DCC: variants seen among roughly 807,000 people sequenced by gnomAD.
DCC encodes the protein DCC netrin 1 receptor, also known as netrin receptor DCC.
A neutral mutation model predicts 172.5 loss-of-function variants in DCC; 58 were observed. That is an observed-to-expected ratio of 0.34 (90% CI 0.27 to 0.42). DCC has a LOEUF of 0.42. Ranked by LOEUF, DCC falls within the 10% of genes least tolerant of loss-of-function variation. The pLI is 1.00. For synonymous variants in DCC, 709 were observed against 644.5 expected (o/e 1.10, Z -1.52); for missense variants, 1,740 against 1,791.0 (o/e 0.97, Z 0.51).
intron 5 of DCC, among the ~76,000 whole-genome samples, chr18:52,976,342 T>G (rs1348223233): frequency 6.6e-6 from 1 of 152,146 alleles, no homozygotes; most frequent in Non-Finnish European, 1.5e-5. Context: ...GTAGAACTTC[T>G]TTGGTTTAAT....
At chr18:53,056,868 T>C (rs1413137061) in intron 5 of DCC, among the ~76,000 whole-genome samples, 2 of 152,068 alleles carry the variant, frequency 1.3e-5, no homozygotes, top group Non-Finnish European at 2.9e-5. Context: ...GTGCTGCCTA[T>C]TGTTAATTTA....
chr18:52,938,815 A>G (rs970911312), intron 5 of DCC, among the ~76,000 whole-genome samples: 1 of 152,062 alleles, frequency 6.6e-6, no homozygotes, highest in Non-Finnish European at 1.5e-5. Context: ...AATCTCCAAA[A>G]TATATTTCAA....
rs56285631 is a variant in DCC, at chr18:53,483,958, CATAGATAGATAGATAGATAG to C, written c.3737-2803_3737-2784del. Among the ~76,000 whole-genome samples, 488 of 144,668 alleles carry C rather than the reference CATAGATAGATAGATAGATAG, an allele frequency of 3.4e-3. 3 individuals carry two copies. The highest frequency in any genetic ancestry group is 0.011 in the African/African-American group (444 of 39,114). The allele number at this position is 144,668 out of a possible 152,430, so 94.9% of individuals were successfully genotyped here. On this transcript the variant is annotated intron_variant, in intron 25 of 28. Transcript: ENST00000442544. ...ACTGTGAAACCTTTGCCTATGTTTG[CATAGATAGATAGATAGATAG>C]ATAGATAGATAGATAGATAGATAGA...
At chr18:53,414,525 T>C (rs1039340116) in intron 20 of DCC, among the ~76,000 whole-genome samples, 3 of 152,106 alleles carry the variant, frequency 2.0e-5, no homozygotes, top group Non-Finnish European at 2.9e-5. Flanking sequence ...TCTCAATAAC[T>C]TTTTAAAATA....
chr18:53,453,823 C>CT (rs2045448274), intron 23 of DCC, among the ~76,000 whole-genome samples: 1 of 152,068 alleles, frequency 6.6e-6, no homozygotes, highest in African/African-American at 2.4e-5. Context: ...TTCTCTTTAG[C>CT]TTTTTTTGTT....
intron 1 of DCC, among the ~76,000 whole-genome samples, chr18:52,529,073 A>T (rs1237576974): frequency 6.6e-6 from 1 of 152,174 alleles, no homozygotes; most frequent in Non-Finnish European, 1.5e-5. Context: ...TGTGACAATT[A>T]GACGTAGGCC....
Position 52,715,601 on chromosome 18 carries a change from G to A in DCC, c.92-36453G>A, listed in dbSNP as rs76478816. The stretch of plus-strand genomic sequence containing the variant: ...ATTACAGGAATGTGCCACCACGCCC[G>A]GCCAGCACTACATTTTTTCTGAGGC... On this transcript the variant is annotated intron_variant, in intron 1 of 28. Transcript: ENST00000442544. Among the ~76,000 whole-genome samples, 1,441 of 152,142 alleles carry A rather than the reference G, an allele frequency of 9.5e-3. 15 individuals carry two copies. Among genetic ancestry groups the A allele is most frequent in the Middle Eastern group, 0.024 (7 of 292 alleles).
intron 12 of DCC, among the ~76,000 whole-genome samples, chr18:53,276,283 T>G (rs1219363767): frequency 6.6e-6 from 1 of 152,148 alleles, no homozygotes; most frequent in Non-Finnish European, 1.5e-5. Context: ...CCTAGATAAT[T>G]AAATCATCTT....
chr18:53,096,101 C>T (rs1199816025), intron 7 of DCC, among the ~76,000 whole-genome samples: 1 of 151,948 alleles, frequency 6.6e-6, no homozygotes, highest in African/African-American at 2.4e-5. Context: ...CACATGTATA[C>T]ATATGTAACT....
intron 1 of DCC, among the ~76,000 whole-genome samples, chr18:52,633,434 G>T (rs1171227792): frequency 2.0e-5 from 3 of 152,166 alleles, no homozygotes; most frequent in Non-Finnish European, 4.4e-5. Flanking sequence ...TGAAAATAAG[G>T]AGTTGTCACC....
chr18:53,500,732 A>T (rs1037388089), intron 27 of DCC, among the ~76,000 whole-genome samples: 2 of 151,822 alleles, frequency 1.3e-5, no homozygotes, highest in African/African-American at 2.4e-5. Context: ...GTAGGATTCC[A>T]TTGGTTGGGA....
chr18:53,247,570 CTTTG>C (rs1347082233), intron 12 of DCC, among the ~76,000 whole-genome samples: 3 of 121,394 alleles, frequency 2.5e-5, no homozygotes, highest in African/African-American at 6.1e-5. Flanking sequence ...GTTGCTAATA[CTTTG>C]TTTATTTGTT....
At chr18:53,489,382 C>CTAAA (rs779468290) in intron 26 of DCC, among the ~76,000 whole-genome samples, 9 of 152,162 alleles carry the variant, frequency 5.9e-5, no homozygotes, top group Non-Finnish European at 1.2e-4. Context: ...TTCTAGGAAA[C>CTAAA]TAAATATTCT....
chr18:52,530,645 C>A (rs975635069), intron 1 of DCC, among the ~76,000 whole-genome samples: 16 of 152,116 alleles, frequency 1.1e-4, no homozygotes, highest in East Asian at 3.9e-4. Context: ...TTAAAAATAT[C>A]ATTTTTTCAG....
chr18:52,406,903 A>G (rs1598792831), intron 1 of DCC, among the ~76,000 whole-genome samples: 1 of 152,004 alleles, frequency 6.6e-6, no homozygotes, highest in Admixed American at 6.6e-5. Flanking sequence ...GTGAGTCTGT[A>G]TGTATCTGTG....
At chr18:52,701,276 C>T (rs536024161) in intron 1 of DCC, among the ~76,000 whole-genome samples, 3 of 152,226 alleles carry the variant, frequency 2.0e-5, no homozygotes, top group Non-Finnish European at 2.9e-5. Context: ...ATCCTAGCTA[C>T]AGTAGCCTAA....
At chr18:52,375,344 A>G (rs7230231) in intron 1 of DCC, among the ~76,000 whole-genome samples, 22,472 of 152,142 alleles carry the variant, frequency 0.15, 1,790 homozygotes, top group African/African-American at 0.17. Flanking sequence ...TTTAAGATAT[A>G]TGCAAGGTTA....
At chr18:52,720,980 G>C (rs1232126364) in intron 1 of DCC, among the ~76,000 whole-genome samples, 1 of 152,156 alleles carries the variant, frequency 6.6e-6, no homozygotes, top group African/African-American at 2.4e-5. Context: ...AAGCCCTCTT[G>C]TCTGAAGGAT....
chr18:53,416,318 G>A (rs780273483), intron 21 of DCC, 162 bp downstream of exon 21: 5 of 712,182 alleles, frequency 7.0e-6, no homozygotes, highest in Non-Finnish European at 1.3e-5. Context: ...GCTTGGCTGA[G>A]GCTGCGGCTC....
Sources: gnomAD v4.1 joint callset for allele counts (sites outside exome capture counted in the v4.1 genomes callset) on GRCh38, gnomAD v4.1.1 for gene constraint, MANE v1.5 for transcripts, NCBI Gene and HGNC (gene_info 2026-07-23, HGNC 2026-07-21) for gene names.